CAMTA1: variants seen among roughly 807,000 people sequenced by gnomAD.
The protein encoded by CAMTA1 is calmodulin binding transcription activator 1.
CAMTA1 carries 27 observed loss-of-function variants against 170.9 expected under a neutral mutation model. The observed-to-expected ratio is 0.16, with a 90% CI of 0.12 to 0.22. The LOEUF is 0.22. Among genes scored for constraint, CAMTA1 ranks in the 10% least tolerant of loss-of-function variants. The probability of loss-of-function intolerance (pLI) is 1.00; values close to 1 mark genes in which losing one functional copy is unlikely to be tolerated. For synonymous variants in CAMTA1, 833 were observed against 891.5 expected, an observed-to-expected ratio of 0.93 and a Z score of 1.17; for missense variants, 1,619 against 2,217.2, an observed-to-expected ratio of 0.73 and a Z score of 5.42.
At chr1:6,789,451 C>T (rs1038891340) in intron 1 of CAMTA1, among the ~76,000 whole-genome samples, 3 of 152,100 alleles carry the variant, frequency 2.0e-5, no homozygotes, top group African/African-American at 4.8e-5. Context: ...GTTTTTTTCC[C>T]CACTGTTTCA....
At position 7,736,763 on chromosome 1, in the gene CAMTA1, G is replaced by A. The variant is rs981526350; in HGVS notation, c.3264-168G>A. On this transcript the variant is annotated intron_variant, in intron 13 of 22. Transcript: ENST00000303635. The surrounding 1 kb of genome is among the most constrained non-coding windows in gnomAD (Gnocchi z 4.5). ...AAATGTTGGACTTGTCATTTTCTTT[G>A]GACCCCTAGCCAAATGGAGCGTCCA... is the stretch of plus-strand genomic sequence containing the variant. 1.3e-5 allele frequency among the ~76,000 whole-genome samples: 2 copies of A among 152,058 alleles called. No homozygotes were observed. The highest frequency in any genetic ancestry group is 1.3e-4 in the Admixed American group (2 of 15,262).
chr1:7,469,342 T>C (rs1208015693), intron 6 of CAMTA1, among the ~76,000 whole-genome samples: 6 of 152,196 alleles, frequency 3.9e-5, no homozygotes, highest in African/African-American at 1.4e-4. Context: ...TTCCACCCCT[T>C]GGCAGAGGGT....
intron 3 of CAMTA1, chr1:7,008,824 T>G (rs1297667296): frequency 6.6e-6 from 1 of 152,260 alleles, no homozygotes; most frequent in Non-Finnish European, 1.5e-5. Context: ...CACAACCATC[T>G]GAGCTATTTA....
At chr1:6,826,052 AC>A (rs1392290140) in intron 3 of CAMTA1, among the ~76,000 whole-genome samples, 1 of 152,198 alleles carries the variant, frequency 6.6e-6, no homozygotes, top group Non-Finnish European at 1.5e-5. Flanking sequence ...CAAATTTAGC[AC>A]CCTATCCTTA....
intron 4 of CAMTA1, among the ~76,000 whole-genome samples, chr1:7,242,898 C>A (rs1441078170): frequency 6.6e-6 from 1 of 151,960 alleles, no homozygotes. Context: ...GAAGGCGGAG[C>A]TTGCAGTGAG....
intron 11 of CAMTA1, among the ~76,000 whole-genome samples, chr1:7,692,520 C>G (rs1030404033): frequency 2.0e-5 from 3 of 151,932 alleles, no homozygotes; most frequent in Non-Finnish European, 4.4e-5. Flanking sequence ...AAAGAAAGAA[C>G]GAAAGAAAGA....
At chr1:6,919,911 A>G (rs1172848286) in intron 3 of CAMTA1, among the ~76,000 whole-genome samples, 2 of 151,044 alleles carry the variant, frequency 1.3e-5, no homozygotes, top group African/African-American at 2.4e-5. Flanking sequence ...CCCCCATAAC[A>G]CGTGGGAATT....
rs1276751703 is a variant in CAMTA1 at position 7,547,797 on chromosome 1, A to C, written c.510+79896A>C. ...CTTCCAACATAATCTCCCTGTACAC[A>C]ACCAGTCTCACATCTCTGCCACCCC... On this transcript the variant is annotated intron_variant, in intron 6 of 22. Transcript: ENST00000303635. The surrounding 1 kb of genome is among the most constrained non-coding windows in gnomAD (Gnocchi z 5.7). Among the ~76,000 whole-genome samples, 1 of 151,938 alleles carries C rather than the reference A, an allele frequency of 6.6e-6. No homozygotes were observed. Among genetic ancestry groups the C allele is most frequent in the Non-Finnish European group, 1.5e-5 (1 of 67,982 alleles).
At chr1:6,941,473 G>A (rs564865280) in intron 3 of CAMTA1, among the ~76,000 whole-genome samples, 1 of 152,302 alleles carries the variant, frequency 6.6e-6, no homozygotes, top group Non-Finnish European at 1.5e-5. Context: ...GTGCCTGCAT[G>A]TGGCTCCCCT....
intron 4 of CAMTA1, among the ~76,000 whole-genome samples, chr1:7,131,522 CTTTTTT>C (rs58819912): frequency 7.9e-6 from 1 of 126,698 alleles, no homozygotes; most frequent in African/African-American, 2.9e-5. Flanking sequence ...ATCGTCTTTT[CTTTTTT>C]TTTTTTTTTT....
chr1:7,270,600 A>C (rs1319517177), intron 5 of CAMTA1, among the ~76,000 whole-genome samples: 1 of 152,124 alleles, frequency 6.6e-6, no homozygotes, highest in African/African-American at 2.4e-5. Flanking sequence ...CTGGCCTACA[A>C]GATATATTAA....
intron 4 of CAMTA1, among the ~76,000 whole-genome samples, chr1:7,210,313 T>G (rs1658524934): frequency 6.6e-6 from 1 of 152,230 alleles, no homozygotes; most frequent in African/African-American, 2.4e-5. Context: ...CCATTTATTT[T>G]GTAGACTGTC....
At chr1:7,410,841 G>C (rs535625341) in intron 5 of CAMTA1, among the ~76,000 whole-genome samples, 1 of 152,190 alleles carries the variant, frequency 6.6e-6, no homozygotes, top group African/African-American at 2.4e-5. Flanking sequence ...GGAGATACTT[G>C]CTAGTTGTGT....
chr1:7,367,809 C>G (rs188776719), intron 5 of CAMTA1, among the ~76,000 whole-genome samples: 195 of 152,356 alleles, frequency 1.3e-3, no homozygotes, highest in Middle Eastern at 6.8e-3. Flanking sequence ...TCACTGGGCA[C>G]AGGCCCTGGG....
chr1:6,940,774 A>G (rs1055661938), intron 3 of CAMTA1, among the ~76,000 whole-genome samples: 3 of 151,892 alleles, frequency 2.0e-5, no homozygotes, highest in Non-Finnish European at 4.4e-5. Context: ...CCAGAGAAGG[A>G]TAGATGGCAG....
At chr1:7,739,247 C>T (rs2096792931) in intron 16 of CAMTA1, among the ~76,000 whole-genome samples, 2 of 152,086 alleles carry the variant, frequency 1.3e-5, no homozygotes, top group African/African-American at 4.8e-5. Flanking sequence ...AACAGGGCAC[C>T]CATGCCTGTA....
intron 4 of CAMTA1, among the ~76,000 whole-genome samples, chr1:7,227,999 C>T (rs1662026781): frequency 6.6e-6 from 1 of 152,098 alleles, no homozygotes; most frequent in Non-Finnish European, 1.5e-5. Flanking sequence ...TCTTCTCAGC[C>T]ACCTAGCTCC....
chr1:6,891,505 C>A (rs1319786823), intron 3 of CAMTA1, among the ~76,000 whole-genome samples: 1 of 152,180 alleles, frequency 6.6e-6, no homozygotes, highest in East Asian at 1.9e-4. Flanking sequence ...GGGATCTTAA[C>A]ACCTAAATAT....
intron 3 of CAMTA1, among the ~76,000 whole-genome samples, chr1:6,876,514 C>T (rs1219713226): frequency 6.6e-6 from 1 of 152,084 alleles, no homozygotes; most frequent in Non-Finnish European, 1.5e-5. Context: ...AGGCGTGTGC[C>T]ACCGTGCCCA....
Sources: allele counts gnomAD v4.1 joint callset (sites outside exome capture counted in the v4.1 genomes callset), GRCh38; gene constraint gnomAD v4.1.1; non-coding constraint Gnocchi (gnomAD v3.1); transcripts MANE v1.5; gene names NCBI Gene and HGNC (gene_info 2026-07-23, HGNC 2026-07-21).